Variants in ZNF148 observed in about 807,000 individuals in gnomAD.
The protein encoded by ZNF148 is zinc finger protein 148.
ZNF148 carries 7 observed loss-of-function variants against 67.7 expected under a neutral mutation model. That is an observed-to-expected ratio of 0.10 (90% CI 0.06 to 0.19). ZNF148 has a LOEUF of 0.19. Ranked by LOEUF, ZNF148 falls within the 10% of genes least tolerant of loss-of-function variation. The probability of loss-of-function intolerance (pLI) is 1.00; values close to 1 mark genes in which losing one functional copy is unlikely to be tolerated. For missense variants in ZNF148, 583 were observed against 947.1 expected, an observed-to-expected ratio of 0.62 and a Z score of 5.05; for synonymous variants, 333 against 330.7, an observed-to-expected ratio of 1.01 and a Z score of -0.08.
chr3:125,342,600 A>G (rs1311817354), intron 1 of ZNF148, among the ~76,000 whole-genome samples: 1 of 152,108 alleles, frequency 6.6e-6, no homozygotes, highest in African/African-American at 2.4e-5. Context: ...TTAAAAAAAA[A>G]AAAGTCTCTA....
At chr3:125,271,559 C>T (rs142751933) in intron 7 of ZNF148, among the ~76,000 whole-genome samples, 275 of 152,270 alleles carry the variant, frequency 1.8e-3, no homozygotes, top group African/African-American at 6.1e-3. Context: ...GCACAAACTT[C>T]GAAGAGCTAG....
At chr3:125,349,097 T>A (rs922432988) in intron 1 of ZNF148, among the ~76,000 whole-genome samples, 1 of 152,092 alleles carries the variant, frequency 6.6e-6, no homozygotes, top group African/African-American at 2.4e-5. Flanking sequence ...CAAAATAGAT[T>A]AGAAACTTTA....
intron 5 of ZNF148, among the ~76,000 whole-genome samples, chr3:125,287,677 G>T (rs563640329): frequency 1.3e-5 from 2 of 152,030 alleles, no homozygotes; most frequent in Non-Finnish European, 2.9e-5. Flanking sequence ...GATCTATTAT[G>T]TCTCCTATTC....
chr3:125,329,283 T>C (rs1941168317), intron 2 of ZNF148, among the ~76,000 whole-genome samples: 1 of 141,804 alleles, frequency 7.1e-6, no homozygotes, highest in African/African-American at 2.8e-5. Context: ...TATTTATATG[T>C]ATATGTATAT....
chr3:125,323,437 T>C lies in ZNF148; in HGVS notation c.-145A>G. On this transcript the variant is annotated 5_prime_UTR_variant, in exon 3 of 9. An upstream start codon of the reference 5' UTR is lost. Transcript: ENST00000360647. ...AATACCACCTTAATCACTTATGCCA[T>C]CCGATTCCTACAATAAAACACACAC... 3 of 682,482 alleles carry C rather than the reference T, an allele frequency of 4.4e-6. No individual in the cohort carries two copies. Among genetic ancestry groups the C allele is most frequent in the Non-Finnish European group, 7.9e-6 (3 of 379,252 alleles). The allele number at this position is 682,482 out of a possible 1,614,324, so 42.3% of individuals were successfully genotyped here.
At chr3:125,374,736 T>C (rs900292538) in intron 1 of ZNF148, among the ~76,000 whole-genome samples, 9 of 152,014 alleles carry the variant, frequency 5.9e-5, no homozygotes, top group African/African-American at 1.7e-4. Context: ...GACAGAGCCC[T>C]GGTGTCTCCC....
chr3:125,363,657 C>A (rs747684482), intron 1 of ZNF148, among the ~76,000 whole-genome samples: 1 of 147,774 alleles, frequency 6.8e-6, no homozygotes, highest in Admixed American at 6.8e-5. Context: ...ATACTTCACA[C>A]TTTTTTTTTT....
intron 7 of ZNF148, among the ~76,000 whole-genome samples, chr3:125,263,856 A>T (rs960958783): frequency 8.5e-5 from 13 of 152,202 alleles, no homozygotes; most frequent in Non-Finnish European, 1.6e-4. Context: ...GGGGCTGGTC[A>T]CCAGAAAGAC....
chr3:125,253,298 C>T (rs1936925398), intron 7 of ZNF148, among the ~76,000 whole-genome samples: 1 of 152,114 alleles, frequency 6.6e-6, no homozygotes, highest in Non-Finnish European at 1.5e-5. Flanking sequence ...CATTGGTATA[C>T]ATAAAAACAC....
chr3:125,373,273 T>A (rs1942949195), intron 1 of ZNF148, among the ~76,000 whole-genome samples: 1 of 150,864 alleles, frequency 6.6e-6, no homozygotes, highest in South Asian at 2.1e-4. Context: ...GGGTTTCACA[T>A]AGTGATGGGG....
chr3:125,278,604 T>G (rs1938200409), intron 6 of ZNF148, among the ~76,000 whole-genome samples: 1 of 152,128 alleles, frequency 6.6e-6, no homozygotes, highest in African/African-American at 2.4e-5. Context: ...AATTCTATCT[T>G]CTACTAGCTT....
At chr3:125,243,137 C>T (rs1046397778) in intron 7 of ZNF148, among the ~76,000 whole-genome samples, 4 of 152,192 alleles carry the variant, frequency 2.6e-5, no homozygotes, top group Non-Finnish European at 5.9e-5. Flanking sequence ...AAAGATACGC[C>T]TTCCCATTTC....
chr3:125,238,247 C>T (rs957370529), intron 7 of ZNF148, among the ~76,000 whole-genome samples: 2 of 152,014 alleles, frequency 1.3e-5, no homozygotes, highest in African/African-American at 4.8e-5. Context: ...TATATAAAAT[C>T]AAAAGCAGCA....
intron 1 of ZNF148, among the ~76,000 whole-genome samples, chr3:125,340,392 A>G (rs1941663529): frequency 2.0e-5 from 3 of 152,158 alleles, no homozygotes; most frequent in African/African-American, 7.2e-5. Context: ...AGTAGGCAAA[A>G]TTCAGGGACC....
At chr3:125,316,916 T>C (rs764552372) in intron 3 of ZNF148, among the ~76,000 whole-genome samples, 21 of 152,148 alleles carry the variant, frequency 1.4e-4, no homozygotes, top group Non-Finnish European at 5.9e-5. Flanking sequence ...ATTGAGGAAG[T>C]AGTAGTACTC....
intron 4 of ZNF148, among the ~76,000 whole-genome samples, chr3:125,302,613 A>G (rs1329174431): frequency 6.6e-6 from 1 of 152,188 alleles, no homozygotes; most frequent in Non-Finnish European, 1.5e-5. Flanking sequence ...AATGGACTCA[A>G]ATTTATCATT....
chr3:125,308,341 C>T (rs1332875179), intron 4 of ZNF148, among the ~76,000 whole-genome samples: 1 of 151,874 alleles, frequency 6.6e-6, no homozygotes, highest in Non-Finnish European at 1.5e-5. Flanking sequence ...ATAAAATTAA[C>T]AAAATGTGCC....
intron 4 of ZNF148, among the ~76,000 whole-genome samples, chr3:125,298,018 GCAA>G (rs1340764342): frequency 6.6e-6 from 1 of 152,066 alleles, no homozygotes; most frequent in Non-Finnish European, 1.5e-5. Context: ...GAAATTACAT[GCAA>G]TAACATGGGT....
At chr3:125,333,324 T>C (rs986468418) in intron 1 of ZNF148, among the ~76,000 whole-genome samples, 2 of 152,192 alleles carry the variant, frequency 1.3e-5, no homozygotes, top group Non-Finnish European at 2.9e-5. Context: ...ACACACAAAA[T>C]AATATAACCT....
Sources: allele counts gnomAD v4.1 joint callset (sites outside exome capture counted in the v4.1 genomes callset), GRCh38; gene constraint gnomAD v4.1.1; transcripts MANE v1.5; gene names NCBI Gene and HGNC (gene_info 2026-07-23, HGNC 2026-07-21).